LRRC8C: variants seen among roughly 807,000 people sequenced by gnomAD.
LRRC8C encodes the protein volume-regulated anion channel subunit LRRC8C.
A neutral mutation model predicts 55.3 loss-of-function variants in LRRC8C; 20 were observed. That is an observed-to-expected ratio of 0.36 (90% confidence interval 0.25 to 0.53). The LOEUF is 0.53. Among genes scored for constraint, LRRC8C ranks in the 20% least tolerant of loss-of-function variants. LRRC8C has a pLI of 0.92. For synonymous variants in LRRC8C, 376 were observed against 360.7 expected (o/e 1.04, Z -0.48); for missense variants, 659 against 951.4 (o/e 0.69, Z 4.04).
At chr1:89,698,690 AT>A (rs1658237705) in intron 2 of LRRC8C, among the ~76,000 whole-genome samples, 1 of 151,794 alleles carries the variant, frequency 6.6e-6, no homozygotes, top group East Asian at 1.9e-4. Flanking sequence ...AATCCCTTGG[AT>A]TTTTTTCCCC....
rs537692857 is a variant in LRRC8C, at chr1:89,665,920, C to T, written c.-4-20550C>T. Among the ~76,000 whole-genome samples the T allele has an allele frequency of 1.2e-4, 18 of 152,146 alleles. 1 individual carries two copies. Among genetic ancestry groups the T allele is most frequent in the Admixed American group, 2.0e-4 (3 of 15,272 alleles). ...TTTTTATTTTACCTTTCCTATGTTT[C>T]GATACACAAATACTTACTATTATGT... On this transcript the variant is annotated intron_variant, in intron 1 of 2. Transcript: ENST00000370454.
intron 1 of LRRC8C, among the ~76,000 whole-genome samples, chr1:89,667,913 G>A (rs995861157): frequency 1.3e-5 from 2 of 152,076 alleles, no homozygotes; most frequent in Non-Finnish European, 2.9e-5. Context: ...AGCCAGAAGT[G>A]CAAAGTCATA....
intron 1 of LRRC8C, among the ~76,000 whole-genome samples, chr1:89,648,043 T>G (rs1557648016): frequency 6.6e-6 from 1 of 152,192 alleles, no homozygotes; most frequent in East Asian, 1.9e-4. Context: ...CATTCCAACC[T>G]GGGTGACAGA....
At chr1:89,698,368 T>C (rs1190734257) in intron 2 of LRRC8C, among the ~76,000 whole-genome samples, 1 of 152,210 alleles carries the variant, frequency 6.6e-6, no homozygotes, top group Non-Finnish European at 1.5e-5. Context: ...TCATATTTAT[T>C]GCGTACCTAC....
At chr1:89,651,457 A>G (rs895516939) in intron 1 of LRRC8C, among the ~76,000 whole-genome samples, 7 of 148,758 alleles carry the variant, frequency 4.7e-5, no homozygotes, top group Non-Finnish European at 1.0e-4. Context: ...ACTCCCAGCT[A>G]CTCGGGAGGC....
chr1:89,624,367 C>T, the LRRC8C span, among the ~76,000 whole-genome samples: 1 of 152,192 alleles, frequency 6.6e-6, no homozygotes, highest in South Asian at 2.1e-4. Flanking sequence ...TTCCAATAGT[C>T]ACCAATAATA....
At chr1:89,643,162 G>C (rs7519969) in intron 1 of LRRC8C, among the ~76,000 whole-genome samples, 84,496 of 151,794 alleles carry the variant, frequency 0.56, 23,901 homozygotes, top group East Asian at 0.79. Context: ...CACAATCTTG[G>C]CTCACTACAA....
the LRRC8C span, among the ~76,000 whole-genome samples, chr1:89,627,062 C>T: frequency 6.6e-6 from 1 of 150,826 alleles, no homozygotes; most frequent in South Asian, 2.1e-4. Flanking sequence ...AGGGGCTTTC[C>T]AAAAATTGCT....
In LRRC8C at chr1:89,719,087, A is replaced by AAGTTCATTT. The variant is rs1233535580; in HGVS notation, c.*4106_*4114dup. On this transcript the variant is annotated 3_prime_UTR_variant, in exon 3 of 3. Coordinates refer to ENST00000370454, the MANE Select transcript of LRRC8C (RefSeq NM_032270.5). ...ACTCACCGATAAAGGTAGCATCCTT[A>AAGTTCATTT]AGTTCATTTTTGAAAGGTGGAGGAG... is the stretch of plus-strand genomic sequence containing the variant. The AAGTTCATTT allele has an allele frequency of 6.6e-6, 1 of 152,150 alleles. No homozygotes were observed. The highest frequency in any genetic ancestry group is 2.4e-5 in the African/African-American group (1 of 41,438). The allele number at this position is 152,150 out of a possible 1,614,324, so 9.4% of individuals were successfully genotyped here. A position where few individuals can be genotyped will look rare whatever the true frequency, so the allele number is the denominator to read the frequency against.
At chr1:89,694,921 A>C (rs1199248294) in intron 2 of LRRC8C, among the ~76,000 whole-genome samples, 1 of 146,772 alleles carries the variant, frequency 6.8e-6, no homozygotes, top group African/African-American at 2.6e-5. Flanking sequence ...AAAAGTATAA[A>C]GACTTTTTTT....
intron 1 of LRRC8C, among the ~76,000 whole-genome samples, chr1:89,664,133 C>G (rs1249704581): frequency 1.3e-5 from 2 of 152,140 alleles, no homozygotes; most frequent in Non-Finnish European, 2.9e-5. Context: ...TGTGCAAAAG[C>G]TCTTTAGTTT....
rs1345481502 is a variant in LRRC8C, at chr1:89,659,062, TGTGTGTGTGTG to T, written c.-5+25741_-5+25751del. ...GTCTTCTCCAGGTTTTTTTTTTTTT[TGTGTGTGTGTG>T]TGTGTGTGTGTGTGTGTGTGTGTGT... On this transcript the variant is annotated intron_variant, in intron 1 of 2. Transcript: ENST00000370454. Among the ~76,000 whole-genome samples the T allele has an allele frequency of 7.6e-3, 506 of 66,922 alleles. 20 individuals are homozygous for T. The highest frequency in any genetic ancestry group is 0.011 in the Non-Finnish European group (360 of 32,090). 43.9% of individuals were successfully genotyped at this position (66,922 alleles called of 152,430 possible).
chr1:89,685,073 A>G (rs899053853), intron 1 of LRRC8C, among the ~76,000 whole-genome samples: 3 of 135,052 alleles, frequency 2.2e-5, no homozygotes, highest in Non-Finnish European at 4.8e-5. Flanking sequence ...CTTTGCTTTT[A>G]TGTGGGATGT....
intron 2 of LRRC8C, among the ~76,000 whole-genome samples, chr1:89,688,658 C>T (rs1371582613): frequency 6.6e-6 from 1 of 152,188 alleles, no homozygotes; most frequent in Non-Finnish European, 1.5e-5. Flanking sequence ...GCACAGGTCC[C>T]TTCCTTTTCT....
At position 89,642,823 on chromosome 1, in the gene LRRC8C, G is replaced by C. The variant is rs530144350; in HGVS notation, c.-5+9501G>C. ...GATCATGCCACTGCACTCCAGCCTG[G>C]GCGACAGAGCAAGACTCCATCTCAA... On this transcript the variant is annotated intron_variant, in intron 1 of 2. Transcript: ENST00000370454. Among the ~76,000 whole-genome samples, 3 of 150,234 alleles carry C rather than the reference G, an allele frequency of 2.0e-5. No individual in the cohort carries two copies. The South Asian group carries it at 6.4e-4, about 32-fold the overall frequency.
chr1:89,617,409 G>A, the LRRC8C span, among the ~76,000 whole-genome samples: 27 of 152,194 alleles, frequency 1.8e-4, no homozygotes, highest in Non-Finnish European at 3.7e-4. Flanking sequence ...TGATTCATGG[G>A]CATGATTCCT....
chr1:89,694,319 T>C (rs574438935), intron 2 of LRRC8C, among the ~76,000 whole-genome samples: 8 of 152,192 alleles, frequency 5.3e-5, no homozygotes, highest in Non-Finnish European at 1.2e-4. Context: ...GAATAAATTA[T>C]ATTCCAGGGA....
chr1:89,647,588 A>G (rs1238624629), intron 1 of LRRC8C, among the ~76,000 whole-genome samples: 1 of 152,226 alleles, frequency 6.6e-6, no homozygotes, highest in Non-Finnish European at 1.5e-5. Flanking sequence ...GAAAAAATAT[A>G]TAACTTTTAC....
Position 89,714,480 on chromosome 1 carries a change from G to A in LRRC8C, c.1910G>A (p.Arg637Lys). 6.2e-7 allele frequency: 1 copy of A among 1,614,120 alleles called. No individual in the cohort carries two copies. Among genetic ancestry groups the A allele is most frequent in the Non-Finnish European group, 8.5e-7 (1 of 1,180,004 alleles). ...IEEIVSFQHL[R>K]KLTVLKLWHN... is the part of the protein sequence containing the mutation. ...GAAATCGTTAGCTTTCAGCACTTAA[G>A]AAAGTTGACAGTGCTAAAACTGTGG... Residue 637 changes from arginine (R) to lysine (K), a missense_variant, in exon 3 of 3, where the codon AGA (arginine) becomes AAA (lysine). Arg to Lys is a conservative substitution (Grantham distance 26). Transcript: ENST00000370454. This position sits in a 1 kb window ranked among gnomAD's most constrained non-coding sequence, Gnocchi z 4.6.
Sources: gnomAD v4.1 joint callset for allele counts (sites outside exome capture counted in the v4.1 genomes callset) on GRCh38, gnomAD v4.1.1 for gene constraint, Gnocchi (gnomAD v3.1) non-coding constraint, MANE v1.5 for transcripts, NCBI Gene and HGNC (gene_info 2026-07-23, HGNC 2026-07-21) for gene names.